The following UBE2QL1 variants were observed in gnomAD, a reference collection of about 807,000 sequenced individuals.
UBE2QL1 encodes ubiquitin conjugating enzyme E2 QL1, also known as ubiquitin-conjugating enzyme E2Q-like protein 1.
In UBE2QL1, 5 loss-of-function variants were observed where a neutral mutation model predicts 12.6. The ratio of observed to expected loss-of-function variants is 0.40; its 90% CI spans 0.21 to 0.83. UBE2QL1 has a LOEUF of 0.83. Among genes scored for constraint, UBE2QL1 ranks in the 40% least tolerant of loss-of-function variants. The pLI, the probability that UBE2QL1 is intolerant of heterozygous loss-of-function variation, is 0.37. For synonymous variants in UBE2QL1, 96 were observed against 94.5 expected, an observed-to-expected ratio of 1.02 and a Z score of -0.10; for missense variants, 99 against 222.6, an observed-to-expected ratio of 0.44 and a Z score of 3.53.
chr5:6,495,152 C>G lies in UBE2QL1; in HGVS notation c.*3803C>G, dbSNP rs1222897589. Among the ~76,000 whole-genome samples the G allele has an allele frequency of 1.3e-5, 2 of 152,126 alleles. No homozygotes were observed. On this transcript the variant is annotated 3_prime_UTR_variant, in exon 2 of 2. Transcript: ENST00000399816. The stretch of plus-strand genomic sequence containing the variant: ...GGAGCGTGGACTCTGTCCTCACTGG[C>G]CCTGAACGGGAGAACTGGAGTCCCC...
intron 1 of UBE2QL1, among the ~76,000 whole-genome samples, chr5:6,469,452 T>G (rs1342386658): frequency 6.7e-6 from 1 of 148,416 alleles, no homozygotes; most frequent in Non-Finnish European, 1.5e-5. Flanking sequence ...CTAAGGCTTA[T>G]ATATATAAGC....
chr5:6,474,642 T>A (rs1321684699), intron 1 of UBE2QL1, among the ~76,000 whole-genome samples: 1 of 152,244 alleles, frequency 6.6e-6, no homozygotes, highest in Non-Finnish European at 1.5e-5. Context: ...CATCCTTTCT[T>A]TGGAATTCTA....
rs1330787210 is a variant in UBE2QL1, at chr5:6,495,765, A to AT, written c.*4423dup. Among the ~76,000 whole-genome samples the AT allele has an allele frequency of 6.6e-6, 1 of 152,056 alleles. No homozygotes were observed. Among genetic ancestry groups the AT allele is most frequent in the Non-Finnish European group, 1.5e-5 (1 of 68,006 alleles). On this transcript the variant is annotated 3_prime_UTR_variant, in exon 2 of 2. Transcript: ENST00000399816. The stretch of plus-strand genomic sequence containing the variant: ...ATGGGACTGTAGTCAGAACTTTGTA[A>AT]TTTTTTTCTCCAAAGACAGTGAAAT...
chr5:6,456,610 T>C (rs1299677885), intron 1 of UBE2QL1, among the ~76,000 whole-genome samples: 2 of 152,206 alleles, frequency 1.3e-5, no homozygotes, highest in African/African-American at 4.8e-5. Context: ...CATTCATTCA[T>C]TCACTGAGCA....
intron 1 of UBE2QL1, among the ~76,000 whole-genome samples, chr5:6,466,268 G>A (rs1049423722): frequency 2.0e-5 from 3 of 152,324 alleles, no homozygotes; most frequent in Admixed American, 6.5e-5. Context: ...CATGGGGAGC[G>A]AACTGCTCAG....
chr5:6,463,407 C>A (rs1739715456), intron 1 of UBE2QL1, among the ~76,000 whole-genome samples: 1 of 151,972 alleles, frequency 6.6e-6, no homozygotes, highest in African/African-American at 2.4e-5. Flanking sequence ...GTCCTTGGTG[C>A]AGGGCCTTGG....
At chr5:6,471,639 G>A (rs955477777) in intron 1 of UBE2QL1, among the ~76,000 whole-genome samples, 14 of 152,144 alleles carry the variant, frequency 9.2e-5, no homozygotes, top group East Asian at 1.9e-4. Flanking sequence ...CCATCACTCC[G>A]CCATCCTCTG....
chr5:6,458,988 G>A (rs181591145), intron 1 of UBE2QL1, among the ~76,000 whole-genome samples: 3 of 152,036 alleles, frequency 2.0e-5, no homozygotes, highest in Middle Eastern at 3.4e-3. Context: ...CCTCCAGGTT[G>A]GGTGGGAGAG....
intron 1 of UBE2QL1, among the ~76,000 whole-genome samples, chr5:6,480,899 G>A (rs568817862): frequency 2.0e-5 from 3 of 152,260 alleles, no homozygotes; most frequent in South Asian, 2.1e-4. Flanking sequence ...CCTGCTTGAC[G>A]TCTGTGGGGT....
Position 6,479,636 on chromosome 5 carries a change from T to G in UBE2QL1, c.355-11582T>G, listed in dbSNP as rs575745447. 6.6e-6 allele frequency among the ~76,000 whole-genome samples: 1 copy of G among 152,308 alleles called. No homozygotes were observed. The highest frequency in any genetic ancestry group is 2.4e-5 in the African/African-American group (1 of 41,568). ...TCCTCTGTGAAGACAGCTGGAATGA[T>G]CTCACAAGGAGAAAACACAGACCGG... is the stretch of plus-strand genomic sequence containing the variant. On this transcript the variant is annotated intron_variant, in intron 1 of 1. Transcript: ENST00000399816. This position sits in a 1 kb window ranked among gnomAD's most constrained non-coding sequence, Gnocchi z 4.2.
chr5:6,449,465 G>T (rs909102083), intron 1 of UBE2QL1, among the ~76,000 whole-genome samples: 1 of 151,926 alleles, frequency 6.6e-6, no homozygotes, highest in African/African-American at 2.4e-5. Flanking sequence ...CGTCTCTCCC[G>T]TCCCCGTCTG....
chr5:6,463,707 A>C (rs2126339163), intron 1 of UBE2QL1, among the ~76,000 whole-genome samples: 1 of 150,536 alleles, frequency 6.6e-6, no homozygotes, highest in Non-Finnish European at 1.5e-5. Flanking sequence ...GGCTCACTGC[A>C]AGCTCCGCCT....
intron 1 of UBE2QL1, among the ~76,000 whole-genome samples, chr5:6,461,363 ACT>A (rs1476346069): frequency 2.0e-5 from 3 of 152,040 alleles, no homozygotes; most frequent in African/African-American, 2.4e-5. Flanking sequence ...AAGTGGGTAG[ACT>A]CTGCATTCTC....
Position 6,491,261 on chromosome 5 carries a change from G to A in UBE2QL1, c.398G>A (p.Ser133Asn). 1 of 1,551,680 alleles carries A rather than the reference G, an allele frequency of 6.4e-7. No homozygotes were observed. The highest frequency in any genetic ancestry group is 2.0e-5 in the Admixed American group (1 of 50,944). ...RKAGKSKKSF[S>N]RKEAEATFKS... Reference sequence around the variant, plus strand: ...GCTGGCAAATCAAAAAAGTCCTTCAGTCGCAAGGAAGCTGAAGCTACCTTT... The same window carrying A: ...GCTGGCAAATCAAAAAAGTCCTTCAATCGCAAGGAAGCTGAAGCTACCTTT... The change falls in exon 2 of 2, where the codon AGT becomes AAT. Residue 133 changes from serine to asparagine, a missense_variant. Physicochemically the swap from Ser to Asn is conservative, Grantham distance 46 (BLOSUM62 1). Coordinates refer to ENST00000399816, the MANE Select transcript of UBE2QL1 (RefSeq NM_001145161.3).
Position 6,492,049 on chromosome 5 carries a change from G to C in UBE2QL1, c.*700G>C, listed in dbSNP as rs1734581971. The C allele has an allele frequency of 6.6e-6, 1 of 152,244 alleles. No individual in the cohort carries two copies. 9.4% of individuals were successfully genotyped at this position (152,244 alleles called of 1,614,324 possible). On this transcript the variant is annotated 3_prime_UTR_variant, in exon 2 of 2. Coordinates refer to ENST00000399816, the MANE Select transcript of UBE2QL1 (RefSeq NM_001145161.3). ...ACAGATAAACCAGTGCCATTAGATG[G>C]AAGGCAGAGGATACTGCGACCACCC...
chr5:6,483,136 T>C (rs1734396045), intron 1 of UBE2QL1, among the ~76,000 whole-genome samples: 1 of 152,188 alleles, frequency 6.6e-6, no homozygotes, highest in South Asian at 2.1e-4. Flanking sequence ...CAAACACGCC[T>C]TTAAAAATGA....
chr5:6,471,928 A>G lies in UBE2QL1; in HGVS notation c.355-19290A>G, dbSNP rs146201171. On this transcript the variant is annotated intron_variant, in intron 1 of 1. Transcript: ENST00000399816. Reference sequence around the variant, plus strand: ...TATTGTGACTTTCACTTTTTGTCTCAGGTGTAGGGAGAGGTTAATGATATC... The same window carrying G: ...TATTGTGACTTTCACTTTTTGTCTCGGGTGTAGGGAGAGGTTAATGATATC... Among the ~76,000 whole-genome samples, 107 of 152,232 alleles carry G rather than the reference A, an allele frequency of 7.0e-4. 1 individual carries two copies. The East Asian group carries it at 0.019, about 27-fold the overall frequency.
chr5:6,469,500 T>TA (rs1262328737), intron 1 of UBE2QL1, among the ~76,000 whole-genome samples: 5 of 148,012 alleles, frequency 3.4e-5, no homozygotes, highest in African/African-American at 9.8e-5. Context: ...TATATATATA[T>TA]TTTTTATATA....
intron 1 of UBE2QL1, 57 bp downstream of exon 1, chr5:6,449,304 G>A: frequency 7.7e-7 from 1 of 1,298,936 alleles, no homozygotes; most frequent in Non-Finnish European, 9.7e-7. Context: ...CTGCAGCGCC[G>A]CCGGGCGCCC....
Sources: gnomAD v4.1 joint callset for allele counts (sites outside exome capture counted in the v4.1 genomes callset) on GRCh38, gnomAD v4.1.1 for gene constraint, Gnocchi (gnomAD v3.1) non-coding constraint, MANE v1.5 for transcripts, NCBI Gene and HGNC (gene_info 2026-07-23, HGNC 2026-07-21) for gene names.